The following TMEM163 variants were observed in gnomAD, a reference collection of about 807,000 sequenced individuals.
TMEM163 encodes the protein transmembrane protein 163.
In TMEM163, 17 loss-of-function variants were observed where a neutral mutation model predicts 29.3. The observed-to-expected ratio is 0.58, with a 90% CI of 0.40 to 0.87. The LOEUF (loss-of-function observed/expected upper bound fraction) is 0.87. TMEM163 is among the 40% of genes least tolerant of loss of function. The probability of loss-of-function intolerance (pLI) is 0.00; values close to 1 mark genes in which losing one functional copy is unlikely to be tolerated. For synonymous variants in TMEM163, 157 were observed against 160.6 expected (o/e 0.98, Z 0.17); for missense variants, 303 against 381.5 (o/e 0.79, Z 1.71).
At chr2:134,509,067 T>G (rs944678912) in intron 4 of TMEM163, among the ~76,000 whole-genome samples, 1 of 152,184 alleles carries the variant, frequency 6.6e-6, no homozygotes, top group Non-Finnish European at 1.5e-5. Context: ...TGGCATCTAC[T>G]TTAGGGACAA....
intron 5 of TMEM163, among the ~76,000 whole-genome samples, chr2:134,485,840 G>A (rs1679294764): frequency 6.6e-6 from 1 of 152,146 alleles, no homozygotes; most frequent in African/African-American, 2.4e-5. Context: ...TTGCTTGAGA[G>A]AGAAAGCAAG....
chr2:134,537,118 T>A (rs1680558924), intron 4 of TMEM163, among the ~76,000 whole-genome samples: 1 of 152,184 alleles, frequency 6.6e-6, no homozygotes. Flanking sequence ...ACATCTCTAA[T>A]ACCCAGACTG....
In TMEM163 at chr2:134,456,250, T is replaced by C. The variant is rs749557439; in HGVS notation, c.*466A>G. On this transcript the variant is annotated 3_prime_UTR_variant, in exon 8 of 8. Transcript: ENST00000281924. ...CACTGATAGAAATTAGGAAGTGACA[T>C]ACTGATGATTCTGGGTATGTAAAGG... 6.2e-6 allele frequency: 1 copy of C among 160,546 alleles called. No homozygotes were observed. The highest frequency in any genetic ancestry group is 1.4e-5 in the Non-Finnish European group (1 of 72,590). 9.9% of individuals were successfully genotyped at this position (160,546 alleles called of 1,614,324 possible).
At chr2:134,634,898 A>G (rs1683070312) in intron 2 of TMEM163, among the ~76,000 whole-genome samples, 1 of 152,270 alleles carries the variant, frequency 6.6e-6, no homozygotes, top group Admixed American at 6.5e-5. Context: ...TTCAATCCCT[A>G]ACTCTAGAAT....
chr2:134,519,846 C>T (rs908244307), intron 4 of TMEM163, among the ~76,000 whole-genome samples: 15 of 147,958 alleles, frequency 1.0e-4, no homozygotes, highest in African/African-American at 2.3e-4. Flanking sequence ...GCCGAGATGG[C>T]GCCACTGCAC....
intron 2 of TMEM163, among the ~76,000 whole-genome samples, chr2:134,622,037 A>T (rs1219926916): frequency 6.6e-6 from 1 of 152,232 alleles, no homozygotes; most frequent in Non-Finnish European, 1.5e-5. Context: ...AAATTTCATT[A>T]TGCTAATTGA....
At chr2:134,559,154 C>T (rs558438408) in intron 2 of TMEM163, among the ~76,000 whole-genome samples, 6 of 152,184 alleles carry the variant, frequency 3.9e-5, no homozygotes, top group Non-Finnish European at 7.3e-5. Flanking sequence ...GGTGCCAATG[C>T]TACGTTCAGA....
intron 2 of TMEM163, among the ~76,000 whole-genome samples, chr2:134,627,170 T>C (rs762568987): frequency 2.0e-5 from 3 of 152,236 alleles, no homozygotes; most frequent in Non-Finnish European, 4.4e-5. Flanking sequence ...TGAAATTGTC[T>C]GCTCATGTCT....
intron 2 of TMEM163, among the ~76,000 whole-genome samples, chr2:134,646,105 T>TC (rs1376658269): frequency 6.6e-6 from 1 of 151,876 alleles, no homozygotes; most frequent in East Asian, 1.9e-4. Flanking sequence ...TTTTTTTTTT[T>TC]AGACAGTCTC....
intron 2 of TMEM163, among the ~76,000 whole-genome samples, chr2:134,654,293 A>T (rs1256810179): frequency 8.6e-6 from 1 of 115,998 alleles, no homozygotes; most frequent in African/African-American, 4.2e-5. Flanking sequence ...TCCCTTTACC[A>T]TTATGTAATG....
At chr2:134,525,452 C>T (rs1329487526) in intron 4 of TMEM163, among the ~76,000 whole-genome samples, 2 of 152,164 alleles carry the variant, frequency 1.3e-5, no homozygotes, top group East Asian at 1.9e-4. Flanking sequence ...GTATCACAAT[C>T]GCCTCTAGAT....
At chr2:134,493,631 C>T (rs978898939) in intron 5 of TMEM163, among the ~76,000 whole-genome samples, 4 of 152,138 alleles carry the variant, frequency 2.6e-5, no homozygotes, top group African/African-American at 9.7e-5. Flanking sequence ...CTCGGCCTCC[C>T]GAAGTGCTGG....
intron 2 of TMEM163, among the ~76,000 whole-genome samples, chr2:134,558,998 C>T (rs1289035581): frequency 1.3e-5 from 2 of 152,202 alleles, no homozygotes; most frequent in Non-Finnish European, 2.9e-5. Flanking sequence ...ACAATACATA[C>T]ACACATACAT....
At chr2:134,602,424 G>A (rs1272387026) in intron 2 of TMEM163, among the ~76,000 whole-genome samples, 1 of 152,132 alleles carries the variant, frequency 6.6e-6, no homozygotes, top group Non-Finnish European at 1.5e-5. Context: ...ATGGCTCTGA[G>A]ATTCCCAAGT....
chr2:134,495,791 A>T (rs983110296), intron 5 of TMEM163, among the ~76,000 whole-genome samples: 4 of 152,236 alleles, frequency 2.6e-5, no homozygotes, highest in Non-Finnish European at 4.4e-5. Flanking sequence ...AGAAGATTCC[A>T]GTCTACCTAA....
intron 5 of TMEM163, among the ~76,000 whole-genome samples, chr2:134,485,579 T>C (rs1679289238): frequency 6.6e-6 from 1 of 152,154 alleles, no homozygotes; most frequent in South Asian, 2.1e-4. Context: ...CGAGGCACAA[T>C]TTCTTCTTCC....
intron 2 of TMEM163, among the ~76,000 whole-genome samples, chr2:134,668,276 C>G (rs945675741): frequency 3.9e-5 from 6 of 152,148 alleles, no homozygotes; most frequent in Non-Finnish European, 8.8e-5. Flanking sequence ...TTCTCATCAG[C>G]GCTCATCAGT....
intron 2 of TMEM163, among the ~76,000 whole-genome samples, chr2:134,597,023 C>CT (rs1682102168): frequency 6.6e-6 from 1 of 152,036 alleles, no homozygotes; most frequent in Non-Finnish European, 1.5e-5. Context: ...GCTGAGACGA[C>CT]GGGGTTTTCT....
rs1031183636 is a variant in TMEM163, at chr2:134,456,385, C to T, written c.*331G>A. On this transcript the variant is annotated 3_prime_UTR_variant, in exon 8 of 8. Transcript: ENST00000281924. The stretch of plus-strand genomic sequence containing the variant: ...GGTGGGTCTGCTCAGTCCTATGCAG[C>T]GCAGGCTCAGAGCACCACCGAAGAC... 15 of 335,330 alleles carry T rather than the reference C, an allele frequency of 4.5e-5. No homozygotes were observed. Among genetic ancestry groups the T allele is most frequent in the South Asian group, 2.1e-4 (6 of 29,184 alleles). 20.8% of individuals were successfully genotyped at this position (335,330 alleles called of 1,614,324 possible). A position where few individuals can be genotyped will look rare whatever the true frequency, so the allele number is the denominator to read the frequency against.
Sources: allele counts gnomAD v4.1 joint callset (sites outside exome capture counted in the v4.1 genomes callset), GRCh38; gene constraint gnomAD v4.1.1; transcripts MANE v1.5; gene names NCBI Gene and HGNC (gene_info 2026-07-23, HGNC 2026-07-21).